Variants in TACC2 observed in about 807,000 individuals in gnomAD.
The protein encoded by TACC2 is transforming acidic coiled-coil containing protein 2, also known as transforming acidic coiled-coil-containing protein 2.
Under a neutral mutation model 227.3 loss-of-function variants are expected in TACC2, and 137 were observed. The observed-to-expected ratio is 0.60, with a 90% confidence interval of 0.52 to 0.69. The LOEUF is 0.69. Ranked by LOEUF, TACC2 falls within the 30% of genes least tolerant of loss-of-function variation. The pLI is 0.00. For synonymous variants in TACC2, 1,523 were observed against 1,487.5 expected (o/e 1.02, Z -0.55); for missense variants, 3,470 against 3,694.4 (o/e 0.94, Z 1.57).
At position 122,210,879 on chromosome 10, in the gene TACC2, G is replaced by A. The variant is rs115286612; in HGVS notation, c.6454G>A (p.Glu2152Lys). Reference sequence around the variant, plus strand: ...ACCCACAGAGACCCCCCCAGTGAAGGAGACGCAACAGGAGCCAGATGAAGA... The same window carrying A: ...ACCCACAGAGACCCCCCCAGTGAAGAAGACGCAACAGGAGCCAGATGAAGA... ...KKPTETPPVK[E>K]TQQEPDEESL... The change falls in exon 9 of 23, where the codon GAG becomes AAG. Residue 2152 changes from glutamate to lysine, a missense_variant. This residue lies in a region of TACC2 where 593 missense variants were observed against 636.6 expected (regional missense o/e 0.93). Coordinates refer to ENST00000369005, the MANE Select transcript of TACC2 (RefSeq NM_206862.4). This position sits in a 1 kb window ranked among gnomAD's most constrained non-coding sequence, Gnocchi z 4.6. The A allele has an allele frequency of 1.9e-6, 3 of 1,613,194 alleles. No individual in the cohort carries two copies. The highest frequency in any genetic ancestry group is 2.2e-5 in the South Asian group (2 of 91,040).
intron 9 of TACC2, among the ~76,000 whole-genome samples, chr10:122,212,915 AT>A (rs2095326701): frequency 6.6e-6 from 1 of 151,596 alleles, no homozygotes; most frequent in Non-Finnish European, 1.5e-5. Flanking sequence ...GAAGTCTGCA[AT>A]GGCTAGACTG....
In TACC2 at chr10:122,141,099, A is replaced by G. The variant is rs1398155077; in HGVS notation, c.5700-2473A>G. Among the ~76,000 whole-genome samples, 1 of 152,120 alleles carries G rather than the reference A, an allele frequency of 6.6e-6. No individual in the cohort carries two copies. Among genetic ancestry groups the G allele is most frequent in the African/African-American group, 2.4e-5 (1 of 41,430 alleles). ...GGAAGGGGTGATGAGGGGCATGGGA[A>G]TGAGAGAACTGGAAGTCAGTGCCAG... is the stretch of plus-strand genomic sequence containing the variant. On this transcript the variant is annotated intron_variant, in intron 6 of 22. Coordinates refer to ENST00000369005, the MANE Select transcript of TACC2 (RefSeq NM_206862.4). This position sits in a 1 kb window ranked among gnomAD's most constrained non-coding sequence, Gnocchi z 4.3.
chr10:122,245,725 A>G (rs1176130016), intron 19 of TACC2, among the ~76,000 whole-genome samples: 1 of 152,020 alleles, frequency 6.6e-6, no homozygotes. Context: ...ATGGACAATG[A>G]GGCTCTTAAT....
chr10:122,140,323 A>G (rs1000535552), intron 6 of TACC2, among the ~76,000 whole-genome samples: 2 of 152,254 alleles, frequency 1.3e-5, no homozygotes, highest in African/African-American at 2.4e-5. Flanking sequence ...GGTGGTTTAT[A>G]TGCTGTCAGC....
chr10:122,199,446 C>T (rs1188464888), intron 8 of TACC2, among the ~76,000 whole-genome samples: 3 of 152,214 alleles, frequency 2.0e-5, no homozygotes, highest in Admixed American at 1.3e-4. Context: ...AGAGGCCATA[C>T]GTGGGTGCTC....
chr10:122,237,483 G>A lies in TACC2; in HGVS notation c.8216G>A (p.Gly2739Asp). 1 of 1,614,042 alleles carries A rather than the reference G, an allele frequency of 6.2e-7. No homozygotes were observed. The highest frequency in any genetic ancestry group is 8.5e-7 in the Non-Finnish European group (1 of 1,179,980). ...IGTAEVEKPA[G>D]LLFQQPDLDS... ...ACCGCTGAGGTGGAGAAACCTGCAG[G>A]CCTTCTGTTCCAGCAGCCCGACCTG... is the stretch of plus-strand genomic sequence containing the variant. The change falls in exon 17 of 23, where the codon GGC becomes GAC. Residue 2739 changes from glycine to aspartate, a missense_variant. By Grantham distance (94) the Gly-to-Asp change is moderately conservative. Around this residue, in one of 10 missense-constraint regions of TACC2, gnomAD observed 345 missense variants for 354.4 expected, o/e 0.97. Transcript: ENST00000369005.
At chr10:122,217,428 T>G (rs1412048385) in intron 11 of TACC2, among the ~76,000 whole-genome samples, 2 of 144,498 alleles carry the variant, frequency 1.4e-5, no homozygotes, top group African/African-American at 2.5e-5. Context: ...TTCTTTTTCT[T>G]TCTTTTTTCT....
In TACC2 at chr10:122,087,120, C is replaced by T. The variant is rs1565267535; in HGVS notation, c.4620C>T (p.Gly1540=). The part of the protein sequence containing the change: ...RPEGPGAAWP[G]LEGQAYSQLE... ...AGGGGCCTGGGGCAGCCTGGCCAGG[C>T]CTGGAAGGCCAGGCTTACTCACAGC... Residue 1540 remains glycine (G), a synonymous_variant, in exon 4 of 23, where the codon GGC becomes GGT. Coordinates refer to ENST00000369005, the MANE Select transcript of TACC2 (RefSeq NM_206862.4). The T allele has an allele frequency of 1.9e-6, 3 of 1,609,674 alleles. No homozygotes were observed. Among genetic ancestry groups the T allele is most frequent in the African/African-American group, 2.7e-5 (2 of 74,688 alleles).
intron 2 of TACC2, among the ~76,000 whole-genome samples, chr10:122,038,056 G>A (rs1960966173): frequency 6.6e-6 from 1 of 152,200 alleles, no homozygotes; most frequent in African/African-American, 2.4e-5. Flanking sequence ...ACAGGAGTTT[G>A]AGACTAGCCA....
chr10:122,004,226 C>T (rs746479681), intron 1 of TACC2, among the ~76,000 whole-genome samples: 2 of 151,758 alleles, frequency 1.3e-5, no homozygotes, highest in African/African-American at 2.4e-5. Context: ...GGTGAAAACC[C>T]GTCTCTACTA....
chr10:122,077,126 A>C (rs1421615093), intron 3 of TACC2, among the ~76,000 whole-genome samples: 1 of 151,776 alleles, frequency 6.6e-6, no homozygotes, highest in African/African-American at 2.4e-5. Flanking sequence ...AAAAAAAAAA[A>C]AAAAAAAAGA....
chr10:122,064,510 A>T (rs889412744), intron 3 of TACC2, among the ~76,000 whole-genome samples: 1 of 152,222 alleles, frequency 6.6e-6, no homozygotes. Flanking sequence ...TCATCATTTT[A>T]CTGAAACTAC....
chr10:122,176,117 C>CTCTCTCTATATATATATA (rs1447382017), intron 7 of TACC2, among the ~76,000 whole-genome samples: 1 of 54,644 alleles, frequency 1.8e-5, no homozygotes, highest in Non-Finnish European at 3.5e-5. Flanking sequence ...CTCTCTCTCT[C>CTCTCTCTATATATATATA]TATATATATA....
chr10:122,134,743 A>G (rs533250572), intron 6 of TACC2, among the ~76,000 whole-genome samples: 1 of 152,204 alleles, frequency 6.6e-6, no homozygotes, highest in Non-Finnish European at 1.5e-5. Flanking sequence ...AGCCGAGATC[A>G]CTCTCACCCG....
At chr10:122,171,950 C>T (rs1033425785) in intron 7 of TACC2, among the ~76,000 whole-genome samples, 6 of 152,112 alleles carry the variant, frequency 3.9e-5, no homozygotes, top group Non-Finnish European at 8.8e-5. Context: ...GAGGTCAGTT[C>T]CAAGGAAGGT....
At chr10:122,039,998 C>G (rs2135981982) in intron 2 of TACC2, among the ~76,000 whole-genome samples, 1 of 152,204 alleles carries the variant, frequency 6.6e-6, no homozygotes, top group Admixed American at 6.5e-5. Context: ...CTTGTGGGTG[C>G]CTTTTGCAGC....
intron 5 of TACC2, among the ~76,000 whole-genome samples, chr10:122,101,914 G>A (rs746046932): frequency 6.6e-6 from 1 of 151,772 alleles, no homozygotes; most frequent in Non-Finnish European, 1.5e-5. Flanking sequence ...GAAAAAGGCA[G>A]AGTCTCAGGT....
intron 8 of TACC2, among the ~76,000 whole-genome samples, chr10:122,206,477 A>T (rs1375009832): frequency 1.3e-5 from 2 of 152,198 alleles, no homozygotes; most frequent in Admixed American, 6.5e-5. Flanking sequence ...TTCCTATACG[A>T]AGAGGAAGAG....
In TACC2 at chr10:122,210,045, A is replaced by G. The variant is rs144577078; in HGVS notation, c.5972-352A>G. ...AAGAATGTGACTTCCAGGAAGGGAA[A>G]GGTTTTGTCTATTTCTGTTCCTTGT... On this transcript the variant is annotated intron_variant, in intron 8 of 22. Coordinates refer to ENST00000369005, the MANE Select transcript of TACC2 (RefSeq NM_206862.4). This position sits in a 1 kb window ranked among gnomAD's most constrained non-coding sequence, Gnocchi z 4.6. The G allele has an allele frequency of 7.7e-4, 194 of 252,350 alleles. 2 individuals are homozygous for G. The highest frequency in any genetic ancestry group is 2.8e-3 in the Middle Eastern group (2 of 712). 15.6% of individuals were successfully genotyped at this position (252,350 alleles called of 1,614,324 possible).
Sources: gnomAD v4.1 joint callset for allele counts (sites outside exome capture counted in the v4.1 genomes callset) on GRCh38, gnomAD v4.1.1 for gene constraint, gnomAD v4.1.1 regional missense constraint, Gnocchi (gnomAD v3.1) non-coding constraint, MANE v1.5 for transcripts, NCBI Gene and HGNC (gene_info 2026-07-23, HGNC 2026-07-21) for gene names.